Variants in GOLGA3 observed in about 807,000 individuals in gnomAD.
The protein encoded by GOLGA3 is golgin subfamily A member 3.
A neutral mutation model predicts 169.4 loss-of-function variants in GOLGA3; 75 were observed. The observed-to-expected ratio is 0.44, with a 90% confidence interval of 0.37 to 0.54. GOLGA3 has a LOEUF of 0.54. GOLGA3 is among the 20% of genes least tolerant of loss of function. The pLI is 0.00. For synonymous variants in GOLGA3, 824 were observed against 822.4 expected (o/e 1.00, Z -0.03); for missense variants, 1,899 against 1,930.0 (o/e 0.98, Z 0.30).
intron 3 of GOLGA3, among the ~76,000 whole-genome samples, 190 bp from the exon 4 acceptor site, chr12:132,813,609 C>T (rs1470265518): frequency 1.3e-5 from 2 of 151,994 alleles, no homozygotes; most frequent in Non-Finnish European, 2.9e-5. Flanking sequence ...GGACCACAGG[C>T]GGGATCTACC....
At chr12:132,818,286 G>A (rs1950077522) in intron 2 of GOLGA3, among the ~76,000 whole-genome samples, 2 of 152,168 alleles carry the variant, frequency 1.3e-5, no homozygotes, top group African/African-American at 4.8e-5. Flanking sequence ...TTGAGACGGA[G>A]TCTCATTCTG....
At position 132,786,417 on chromosome 12, in the gene GOLGA3, C is replaced by A. The variant is rs750957540; in HGVS notation, c.3045G>T (p.Ala1015=). 1 of 1,613,276 alleles carries A rather than the reference C, an allele frequency of 6.2e-7. No homozygotes were observed. ...GCTCCGCGTCCGCAGCCTCCTTGGC[C>A]GCGAGGGCCTCCTGCAGGCGGCGGC... ...ILSRRLQEAL[A]AKEAADAELG... The change falls in exon 15 of 24, where the codon GCG becomes GCT. Residue 1015 remains alanine, a synonymous_variant. Coordinates refer to ENST00000450791, the MANE Select transcript of GOLGA3 (RefSeq NM_001389683.1).
intron 3 of GOLGA3, among the ~76,000 whole-genome samples, 158 bp downstream of exon 3, chr12:132,816,382 T>C (rs1949960289): frequency 6.6e-6 from 1 of 152,122 alleles, no homozygotes; most frequent in Non-Finnish European, 1.5e-5. Context: ...AACTTGAAGC[T>C]CTCCTTGCTA....
At chr12:132,814,115 C>T (rs1949850311) in intron 3 of GOLGA3, among the ~76,000 whole-genome samples, 1 of 150,978 alleles carries the variant, frequency 6.6e-6, no homozygotes, top group Non-Finnish European at 1.5e-5. Context: ...ACCTCTGCCT[C>T]CTGGGTTCAA....
rs149444128 is a variant in GOLGA3 at position 132,823,319 on chromosome 12, A to C, written c.-183-1008T>G. On this transcript the variant is annotated intron_variant, in intron 1 of 23. Transcript: ENST00000450791. ...ATTATTAACTCATTTCCTTATCAAC[A>C]GGTAAGACACTAGCATGAGCTTCCA... is the stretch of plus-strand genomic sequence containing the variant. Among the ~76,000 whole-genome samples the C allele has an allele frequency of 1.6e-4, 24 of 152,382 alleles. No homozygotes were observed. The East Asian group carries it at 2.5e-3, about 16-fold the overall frequency.
rs773796316 is a variant in GOLGA3, at chr12:132,795,969, C to T, written c.2352G>A (p.Ala784=). 43 of 1,613,806 alleles carry T rather than the reference C, an allele frequency of 2.7e-5. No individual in the cohort carries two copies. The highest frequency in any genetic ancestry group is 1.3e-4 in the South Asian group (12 of 91,088). Residue 784 remains alanine (A), a synonymous_variant, in exon 11 of 24, where the codon GCG becomes GCA. Transcript: ENST00000450791. ...EKIILEAALQ[A]AKSGKEELDR... is the part of the protein sequence containing the mutation. The stretch of plus-strand genomic sequence containing the variant: ...CAAGCTCCTCCTTGCCACTCTTGGC[C>T]GCCTGCAAAGCCGCCTCCAAGATGA...
In GOLGA3 at chr12:132,788,925, C is replaced by CGCCCCAGACACAGGCCCT. The variant is rs1373314163; in HGVS notation, c.2811+101_2811+102insAGGGCCTGTGTCTGGGGC. 652 of 831,048 alleles carry CGCCCCAGACACAGGCCCT rather than the reference C, an allele frequency of 7.8e-4. 10 individuals carry two copies. The African/African-American group carries it at 0.011, about 14-fold the overall frequency. The allele number at this position is 831,048 out of a possible 1,614,324, so 51.5% of individuals were successfully genotyped here. A position where few individuals can be genotyped will look rare whatever the true frequency, so the allele number is the denominator to read the frequency against. ...CACAGGCCCCGACCCAGACAGACCCCGCCCCAGACACAGGCCCCGCCCCAG... is the reference window on the plus strand; with the variant it reads ...CACAGGCCCCGACCCAGACAGACCCCGCCCCAGACACAGGCCCTGCCCCAGACACAGGCCCCGCCCCAG... On this transcript the variant is annotated intron_variant, in intron 13 of 23. Coordinates refer to ENST00000450791, the MANE Select transcript of GOLGA3 (RefSeq NM_001389683.1).
chr12:132,781,824 G>T (rs2045621243), intron 17 of GOLGA3, among the ~76,000 whole-genome samples: 1 of 152,212 alleles, frequency 6.6e-6, no homozygotes, highest in South Asian at 2.1e-4. Context: ...TCTGAATTGT[G>T]TGAACCTCTT....
chr12:132,780,730 C>T (rs1437173186), intron 18 of GOLGA3, 68 bp downstream of exon 18: 8 of 957,500 alleles, frequency 8.4e-6, no homozygotes, highest in Non-Finnish European at 1.2e-5. Flanking sequence ...GTGTGAAGGA[C>T]CCTGCATAGA....
Position 132,776,993 on chromosome 12 carries a change from C to G in GOLGA3, c.3820G>C (p.Glu1274Gln), listed in dbSNP as rs1025627053. The G allele has an allele frequency of 1.2e-6, 2 of 1,608,638 alleles. No homozygotes were observed. The highest frequency in any genetic ancestry group is 1.7e-6 in the Non-Finnish European group (2 of 1,177,616). The part of the protein sequence containing the change: ...QLQLLQKQLD[E>Q]QLSKQPVGNQ... ...CCCACGGGCTGTTTGCTGAGCTGCT[C>G]GTCCAGCTGCTTCTGCAGGAGCTGG... is the stretch of plus-strand genomic sequence containing the variant. The change falls in exon 20 of 24, where the codon GAG becomes CAG. Residue 1274 changes from glutamate to glutamine, a missense_variant. Coordinates refer to ENST00000450791, the MANE Select transcript of GOLGA3 (RefSeq NM_001389683.1).
chr12:132,792,060 T>C (rs910132643), intron 11 of GOLGA3, among the ~76,000 whole-genome samples: 1 of 152,004 alleles, frequency 6.6e-6, no homozygotes, highest in Non-Finnish European at 1.5e-5. Context: ...TCTACACAGA[T>C]GTTACACTGA....
chr12:132,779,773 C>T (rs1393104702), intron 18 of GOLGA3, among the ~76,000 whole-genome samples: 1 of 126,088 alleles, frequency 7.9e-6, no homozygotes, highest in African/African-American at 3.1e-5. Flanking sequence ...GCATGGACAC[C>T]CCCCCCGTGC....
intron 2 of GOLGA3, among the ~76,000 whole-genome samples, chr12:132,817,117 CCCTCCACA>C (rs1359239183): frequency 2.0e-5 from 3 of 150,904 alleles, no homozygotes; most frequent in African/African-American, 7.3e-5. Context: ...CGTGAACTCA[CCCTCCACA>C]CCTCCACACT....
chr12:132,780,210 G>A (rs1005244641), intron 18 of GOLGA3, among the ~76,000 whole-genome samples: 5 of 149,930 alleles, frequency 3.3e-5, no homozygotes, highest in East Asian at 4.0e-4. Context: ...CCAGGCACAC[G>A]TGCACGCACA....
chr12:132,792,298 A>G (rs1948568190), intron 11 of GOLGA3, among the ~76,000 whole-genome samples: 1 of 152,210 alleles, frequency 6.6e-6, no homozygotes, highest in Non-Finnish European at 1.5e-5. Flanking sequence ...GGGCTCGGCA[A>G]GCCTTTCTTG....
intron 7 of GOLGA3, 114 bp from the exon 8 acceptor site, chr12:132,802,083 G>A: frequency 1.3e-6 from 1 of 778,714 alleles, no homozygotes; most frequent in South Asian, 1.7e-5. Flanking sequence ...GAATGAGTCA[G>A]TTCCGGTTAT....
Position 132,813,363 on chromosome 12 carries a change from G to C in GOLGA3, c.463C>G (p.Arg155Gly), listed in dbSNP as rs763182523. The change falls in exon 4 of 24, where the codon CGG becomes GGG. Residue 155 changes from arginine (R) to glycine (G), a missense_variant. Physicochemically the swap from Arg to Gly is moderately radical, Grantham distance 125. Transcript: ENST00000450791. ...EKEEQVRLQARKWLEEQLKQY... is the reference protein window; with the variant it reads ...EKEEQVRLQAGKWLEEQLKQY... The stretch of plus-strand genomic sequence containing the variant: ...TTGAGCTGCTCTTCCAGCCACTTCC[G>C]AGCCTGAAGTCGGACCTGCTCCTCC... 3 of 1,613,372 alleles carry C rather than the reference G, an allele frequency of 1.9e-6. No individual in the cohort carries two copies. The highest frequency in any genetic ancestry group is 2.5e-6 in the Non-Finnish European group (3 of 1,179,722).
rs552685526 is a variant in GOLGA3, at chr12:132,779,393, A to G, written c.3582+1405T>C. Among the ~76,000 whole-genome samples, 8 of 152,328 alleles carry G rather than the reference A, an allele frequency of 5.3e-5. No individual in the cohort carries two copies. In the East Asian group the frequency reaches 1.5e-3, roughly 29 times the overall value. On this transcript the variant is annotated intron_variant, in intron 18 of 23. Coordinates refer to ENST00000450791, the MANE Select transcript of GOLGA3 (RefSeq NM_001389683.1). ...CGCGCCCAGCCACCTGCCACATCTTAAAATTAATTCTATTTATAAAGAAAC... is the reference window on the plus strand; with the variant it reads ...CGCGCCCAGCCACCTGCCACATCTTGAAATTAATTCTATTTATAAAGAAAC...
At chr12:132,820,698 G>A (rs776995044) in intron 2 of GOLGA3, among the ~76,000 whole-genome samples, 16 of 152,160 alleles carry the variant, frequency 1.1e-4, no homozygotes, top group Admixed American at 2.6e-4. Context: ...CCTCTGACAC[G>A]TGAATAACCC....
Sources: allele counts gnomAD v4.1 joint callset (sites outside exome capture counted in the v4.1 genomes callset), GRCh38; gene constraint gnomAD v4.1.1; transcripts MANE v1.5; gene names NCBI Gene and HGNC (gene_info 2026-07-23, HGNC 2026-07-21).